The following DOCK1 variants were observed in gnomAD, a reference collection of about 807,000 sequenced individuals.
The protein encoded by DOCK1 is dedicator of cytokinesis protein 1.
In DOCK1, 138 loss-of-function variants were observed where a neutral mutation model predicts 262.7. That is an observed-to-expected ratio of 0.53 (90% CI 0.46 to 0.61). The LOEUF (loss-of-function observed/expected upper bound fraction) is 0.61. Ranked by LOEUF, DOCK1 falls within the 20% of genes least tolerant of loss-of-function variation. The pLI, the probability that DOCK1 is intolerant of heterozygous loss-of-function variation, is 0.00. For synonymous variants in DOCK1, 866 were observed against 867.4 expected (o/e 1.00, Z 0.03); for missense variants, 1,908 against 2,370.7 (o/e 0.80, Z 4.05).
intron 25 of DOCK1, among the ~76,000 whole-genome samples, chr10:127,119,843 G>A (rs780144083): frequency 6.6e-6 from 1 of 152,230 alleles, no homozygotes; most frequent in African/African-American, 2.4e-5. Context: ...GAGCTGTAAT[G>A]GGGTTATGGT....
intron 29 of DOCK1, among the ~76,000 whole-genome samples, chr10:127,268,522 AG>A (rs1174805221): frequency 4.1e-4 from 61 of 150,494 alleles, no homozygotes; most frequent in Non-Finnish European, 1.5e-4. Flanking sequence ...AAAAAAAAAA[AG>A]AAGAGGAAAG....
At chr10:127,162,587 C>T (rs1714685094) in intron 27 of DOCK1, among the ~76,000 whole-genome samples, 1 of 152,216 alleles carries the variant, frequency 6.6e-6, no homozygotes, top group Non-Finnish European at 1.5e-5. Context: ...ACATCCCATT[C>T]CCCTAAAGCC....
intron 27 of DOCK1, among the ~76,000 whole-genome samples, chr10:127,235,078 T>G (rs2058998967): frequency 6.7e-6 from 1 of 149,552 alleles, no homozygotes; most frequent in Non-Finnish European, 1.5e-5. Context: ...TTATATACTT[T>G]GTATGTATAG....
At chr10:127,384,692 A>T (rs1391080301) in intron 37 of DOCK1, 98 bp from the exon 38 acceptor site, 7 of 1,364,332 alleles carry the variant, frequency 5.1e-6, no homozygotes, top group Non-Finnish European at 6.7e-6. Flanking sequence ...TGTCTCCAGA[A>T]CCGCGGCCCA....
chr10:127,059,135 A>G (rs540339868), intron 22 of DOCK1, among the ~76,000 whole-genome samples: 8 of 152,146 alleles, frequency 5.3e-5, no homozygotes, highest in Non-Finnish European at 7.4e-5. Context: ...ATTCTATTCT[A>G]TTTTGATTTC....
intron 29 of DOCK1, among the ~76,000 whole-genome samples, chr10:127,300,880 G>C (rs1169532485): frequency 6.6e-6 from 1 of 152,162 alleles, no homozygotes; most frequent in Non-Finnish European, 1.5e-5. Context: ...TGCCAGCACT[G>C]GAGAACCCTA....
At chr10:126,910,902 T>C (rs2031668230) in intron 1 of DOCK1, among the ~76,000 whole-genome samples, 1 of 152,158 alleles carries the variant, frequency 6.6e-6, no homozygotes, top group Non-Finnish European at 1.5e-5. Context: ...TGTTGCTTCT[T>C]TTCTTTGCTG....
chr10:127,239,769 C>T (rs1232212870), intron 27 of DOCK1, among the ~76,000 whole-genome samples: 1 of 151,990 alleles, frequency 6.6e-6, no homozygotes, highest in African/African-American at 2.4e-5. Context: ...TCTATTATTA[C>T]GTGATATATT....
rs975752900 is a variant in DOCK1, at chr10:127,239,625, G to A, written c.2848-8383G>A. ...TCTATGAAAGTCAGTTTAAAAACAC[G>A]TATAGACATATTGATCTTCTCTTCA... On this transcript the variant is annotated intron_variant, in intron 27 of 51. Coordinates refer to ENST00000623213, the MANE Select transcript of DOCK1 (RefSeq NM_001290223.2). Among the ~76,000 whole-genome samples, 12 of 152,190 alleles carry A rather than the reference G, an allele frequency of 7.9e-5. No homozygotes were observed. The South Asian group carries it at 1.9e-3, about 24-fold the overall frequency.
rs572932900 is a variant in DOCK1, at chr10:127,435,371, C to T, written c.5060+1943C>T. On this transcript the variant is annotated intron_variant, in intron 48 of 51. Coordinates refer to ENST00000623213, the MANE Select transcript of DOCK1 (RefSeq NM_001290223.2). ...TTCCAGAGAGCCCCAAGGGACGGCT[C>T]AACTCGGATTGCCCTTTGTTGCCAA... Among the ~76,000 whole-genome samples, 6 of 152,290 alleles carry T rather than the reference C, an allele frequency of 3.9e-5. No individual in the cohort carries two copies. In the South Asian group the frequency reaches 6.2e-4, roughly 16 times the overall value.
At chr10:127,309,679 C>G (rs542914559) in intron 29 of DOCK1, among the ~76,000 whole-genome samples, 2 of 152,110 alleles carry the variant, frequency 1.3e-5, no homozygotes, top group African/African-American at 4.8e-5. Flanking sequence ...TCTCTCAGCA[C>G]CATTTATTAA....
intron 1 of DOCK1, among the ~76,000 whole-genome samples, chr10:126,959,544 A>G (rs2037026214): frequency 6.6e-6 from 1 of 152,156 alleles, no homozygotes; most frequent in African/African-American, 2.4e-5. Context: ...TTTAGCCCAC[A>G]CATGGAAGGG....
At position 127,175,736 on chromosome 10, in the gene DOCK1, G is replaced by A. The variant is rs754152980; in HGVS notation, c.2847+47972G>A. ...TGGCCCTCCCGAGCAGCTGGTAATC[G>A]GGCTCTTCGGATGGAGGCCGAGTGG... is the stretch of plus-strand genomic sequence containing the variant. On this transcript the variant is annotated intron_variant, in intron 27 of 51. Transcript: ENST00000623213. This position sits in a 1 kb window ranked among gnomAD's most constrained non-coding sequence, Gnocchi z 6.3. The A allele has an allele frequency of 2.0e-5, 32 of 1,613,994 alleles. No individual in the cohort carries two copies. Among genetic ancestry groups the A allele is most frequent in the Middle Eastern group, 1.7e-4 (1 of 6,060 alleles).
chr10:127,355,218 T>C (rs758910467), intron 32 of DOCK1, among the ~76,000 whole-genome samples: 5 of 152,158 alleles, frequency 3.3e-5, no homozygotes, highest in Non-Finnish European at 5.9e-5. Context: ...ATGAAATTAA[T>C]AGGAGTTTAT....
At chr10:127,076,024 C>G (rs190828539) in intron 23 of DOCK1, among the ~76,000 whole-genome samples, 3 of 152,196 alleles carry the variant, frequency 2.0e-5, no homozygotes, top group South Asian at 2.1e-4. Flanking sequence ...CAGCACTGTT[C>G]TGTGCTGTGT....
At chr10:126,993,839 T>G (rs1435185122) in intron 6 of DOCK1, among the ~76,000 whole-genome samples, 2 of 152,234 alleles carry the variant, frequency 1.3e-5, no homozygotes, top group Non-Finnish European at 2.9e-5. Context: ...TGAGCAAAAC[T>G]CCAAAGACTA....
chr10:127,008,936 T>A, intron 11 of DOCK1, 132 bp downstream of exon 11: 1 of 900,678 alleles, frequency 1.1e-6, no homozygotes, highest in Non-Finnish European at 1.7e-6. Context: ...AAAACCTCTT[T>A]AGTCACTGCT....
intron 4 of DOCK1, among the ~76,000 whole-genome samples, chr10:126,985,925 A>G (rs2039348786): frequency 6.6e-6 from 1 of 152,138 alleles, no homozygotes; most frequent in Non-Finnish European, 1.5e-5. Context: ...GCTCACTGCA[A>G]CTTCCGTCTC....
At chr10:127,311,075 A>G (rs971903291) in intron 29 of DOCK1, among the ~76,000 whole-genome samples, 15 of 152,344 alleles carry the variant, frequency 9.8e-5, no homozygotes, top group African/African-American at 3.4e-4. Context: ...TGTCTGCCCC[A>G]GTGCTTCCCA....
Sources: allele counts gnomAD v4.1 joint callset (sites outside exome capture counted in the v4.1 genomes callset), GRCh38; gene constraint gnomAD v4.1.1; non-coding constraint Gnocchi (gnomAD v3.1); transcripts MANE v1.5; gene names NCBI Gene and HGNC (gene_info 2026-07-23, HGNC 2026-07-21).